The following ZNF521 variants were observed in gnomAD, a reference collection of about 807,000 sequenced individuals.
ZNF521 encodes zinc finger protein 521, also known as LYST-interacting protein 3.
Under a neutral mutation model 105.5 loss-of-function variants are expected in ZNF521, and 14 were observed. The ratio of observed to expected loss-of-function variants is 0.13; its 90% CI spans 0.09 to 0.21. The LOEUF (loss-of-function observed/expected upper bound fraction) is 0.21, where lower values mean the gene tolerates loss of function less well. ZNF521 is among the 10% of genes least tolerant of loss of function. The pLI is 1.00. For missense variants in ZNF521, 1,233 were observed against 1,629.7 expected (o/e 0.76, Z 4.19); for synonymous variants, 635 against 606.0 (o/e 1.05, Z -0.70).
intron 4 of ZNF521, chr18:25,201,772 A>G (rs1427859479): frequency 6.6e-6 from 1 of 152,116 alleles, no homozygotes; most frequent in East Asian, 1.9e-4. Context: ...GAATCTCTAG[A>G]TTTTCTTTCT....
intron 2 of ZNF521, 87 bp downstream of exon 2, chr18:25,350,820 C>T (rs1914716177): frequency 8.3e-6 from 12 of 1,451,630 alleles, no homozygotes; most frequent in Non-Finnish European, 1.1e-5. Context: ...CGCGCGCACA[C>T]GCCTCGCAGC....
At chr18:25,093,376 A>G (rs1360930323) in intron 5 of ZNF521, among the ~76,000 whole-genome samples, 1 of 152,210 alleles carries the variant, frequency 6.6e-6, no homozygotes, top group African/African-American at 2.4e-5. Context: ...AAAAAATGCT[A>G]CTAAGACATT....
intron 3 of ZNF521, among the ~76,000 whole-genome samples, chr18:25,271,869 T>A (rs980711316): frequency 4.6e-5 from 7 of 152,106 alleles, no homozygotes; most frequent in African/African-American, 1.7e-4. Context: ...ACTTCATGAC[T>A]AAAACACCAA....
At chr18:25,115,835 C>T (rs2034290715) in intron 5 of ZNF521, among the ~76,000 whole-genome samples, 1 of 152,288 alleles carries the variant, frequency 6.6e-6, no homozygotes, top group South Asian at 2.1e-4. Context: ...GTTGTCTATT[C>T]AGCCACAGCT....
intron 3 of ZNF521, among the ~76,000 whole-genome samples, chr18:25,286,214 G>C: frequency 6.6e-6 from 1 of 152,266 alleles, no homozygotes; most frequent in Middle Eastern, 3.4e-3. Context: ...TGAGAGAGTC[G>C]ATAAGGGGAA....
At chr18:25,098,372 C>T (rs542948076) in intron 5 of ZNF521, among the ~76,000 whole-genome samples, 49 of 152,120 alleles carry the variant, frequency 3.2e-4, no homozygotes, top group Admixed American at 7.9e-4. Flanking sequence ...TAAACATGGA[C>T]CCCATGGTTG....
intron 5 of ZNF521, among the ~76,000 whole-genome samples, chr18:25,149,951 A>C (rs374460874): frequency 7.9e-5 from 12 of 152,186 alleles, no homozygotes; most frequent in African/African-American, 2.9e-4. Context: ...ACTTTTTTAT[A>C]ACAGAGAGCA....
At chr18:25,234,762 G>A (rs991950469) in intron 3 of ZNF521, among the ~76,000 whole-genome samples, 1 of 151,970 alleles carries the variant, frequency 6.6e-6, no homozygotes, top group African/African-American at 2.4e-5. Context: ...CAAAATTAAC[G>A]ATAATTTAGT....
intron 2 of ZNF521, among the ~76,000 whole-genome samples, chr18:25,329,301 A>T (rs138436789): frequency 1.3e-4 from 20 of 152,180 alleles, no homozygotes; most frequent in African/African-American, 4.8e-4. Flanking sequence ...GCCATTTGAA[A>T]CTTATCACTT....
chr18:25,349,742 C>T (rs1914632579), intron 2 of ZNF521, among the ~76,000 whole-genome samples: 6 of 151,100 alleles, frequency 4.0e-5, no homozygotes, highest in Admixed American at 3.3e-4. Flanking sequence ...CCGCCGGGGA[C>T]CAGAGGGCGG....
At chr18:25,172,313 A>T (rs1352356419) in intron 5 of ZNF521, among the ~76,000 whole-genome samples, 1 of 152,118 alleles carries the variant, frequency 6.6e-6, no homozygotes, top group South Asian at 2.1e-4. Context: ...TAGCTCACTG[A>T]GCCTCTTTCT....
chr18:25,072,546 G>A (rs1298389743), intron 7 of ZNF521, among the ~76,000 whole-genome samples: 2 of 152,180 alleles, frequency 1.3e-5, no homozygotes, highest in African/African-American at 2.4e-5. Flanking sequence ...AAAAGGTGCC[G>A]AAAGGGAAGA....
Position 25,226,315 on chromosome 18 carries a change from C to T in ZNF521, c.1603G>A (p.Val535Ile), listed in dbSNP as rs1906123016. Residue 535 changes from valine (V) to isoleucine (I), a missense_variant, in exon 4 of 8, where the codon GTT becomes ATT. Around this residue, in one of 6 missense-constraint regions of ZNF521, gnomAD observed 380 missense variants for 478.0 expected, o/e 0.80. Coordinates refer to ENST00000361524, the MANE Select transcript of ZNF521 (RefSeq NM_015461.3). This position sits in a 1 kb window ranked among gnomAD's most constrained non-coding sequence, Gnocchi z 4.1. ...DSSLEEHIRQ[V>I]HCDLSGSRFG... is the part of the protein sequence containing the mutation. ...CGGGAGCCACTGAGGTCACAATGAACCTGTCTAATATGCTCTTCCAGGGAA... is the reference window on the plus strand; with the variant it reads ...CGGGAGCCACTGAGGTCACAATGAATCTGTCTAATATGCTCTTCCAGGGAA... 1 of 1,614,030 alleles carries T rather than the reference C, an allele frequency of 6.2e-7. No homozygotes were observed. The highest frequency in any genetic ancestry group is 1.3e-5 in the African/African-American group (1 of 74,912).
chr18:25,110,118 T>G (rs1398852329), intron 5 of ZNF521, among the ~76,000 whole-genome samples: 1 of 152,150 alleles, frequency 6.6e-6, no homozygotes, highest in Non-Finnish European at 1.5e-5. Flanking sequence ...CAGGAGTGTG[T>G]TTAGACAGGA....
chr18:25,179,264 C>T lies in ZNF521; in HGVS notation c.3658+15896G>A, dbSNP rs140173101. Among the ~76,000 whole-genome samples, 1,396 of 150,952 alleles carry T rather than the reference C, an allele frequency of 9.2e-3. 26 individuals are homozygous for T. The highest frequency in any genetic ancestry group is 0.033 in the African/African-American group (1,350 of 41,138). On this transcript the variant is annotated intron_variant, in intron 5 of 7. Transcript: ENST00000361524. Reference sequence around the variant, plus strand: ...TGCCTCCCGGGTTCAAGCAATTCTCCTGCCTCAGCCTCCAGAGTAGCTAGG... The same window carrying T: ...TGCCTCCCGGGTTCAAGCAATTCTCTTGCCTCAGCCTCCAGAGTAGCTAGG...
At chr18:25,263,502 T>C (rs1270836163) in intron 3 of ZNF521, among the ~76,000 whole-genome samples, 2 of 151,944 alleles carry the variant, frequency 1.3e-5, no homozygotes, top group Non-Finnish European at 2.9e-5. Context: ...GGATTACAGG[T>C]GCTTGCCACC....
intron 7 of ZNF521, among the ~76,000 whole-genome samples, chr18:25,062,960 A>C (rs1199737496): frequency 6.6e-6 from 1 of 152,106 alleles, no homozygotes; most frequent in Non-Finnish European, 1.5e-5. Context: ...CCCAGGGGGA[A>C]ACAGACCCAG....
At chr18:25,160,007 G>T (rs2144518922) in intron 5 of ZNF521, among the ~76,000 whole-genome samples, 1 of 152,250 alleles carries the variant, frequency 6.6e-6, no homozygotes, top group South Asian at 2.1e-4. Flanking sequence ...ATCAGAAAAT[G>T]CTTAAGGAAA....
rs774175248 is a variant in ZNF521, at chr18:25,225,301, C to G, written c.2617G>C (p.Asp873His). 3 of 1,614,174 alleles carry G rather than the reference C, an allele frequency of 1.9e-6. No homozygotes were observed. Among genetic ancestry groups the G allele is most frequent in the Non-Finnish European group, 2.5e-6 (3 of 1,180,032 alleles). ...GTGTCAACGTCTTCTTCGCTCCCAT[C>G]GTGACTGTTGTGGGACTCCTGGCTG... ...TNSQESHNSH[D>H]GSEEDVDTSE... is the part of the protein sequence containing the mutation. The change falls in exon 4 of 8, where the codon GAT (aspartate) becomes CAT (histidine). Residue 873 changes from aspartate to histidine, a missense_variant. Coordinates refer to ENST00000361524, the MANE Select transcript of ZNF521 (RefSeq NM_015461.3). This position sits in a 1 kb window ranked among gnomAD's most constrained non-coding sequence, Gnocchi z 5.6.
Sources: allele counts gnomAD v4.1 joint callset (sites outside exome capture counted in the v4.1 genomes callset), GRCh38; gene constraint gnomAD v4.1.1; regional missense constraint gnomAD v4.1.1; non-coding constraint Gnocchi (gnomAD v3.1); transcripts MANE v1.5; gene names NCBI Gene and HGNC (gene_info 2026-07-23, HGNC 2026-07-21).